Variants in EP400 observed in about 807,000 individuals in gnomAD.
The protein encoded by EP400 is E1A-binding protein p400.
A neutral mutation model predicts 354.1 loss-of-function variants in EP400; 105 were observed. The observed-to-expected ratio is 0.30, with a 90% CI of 0.25 to 0.35. The LOEUF is 0.35. Among genes scored for constraint, EP400 ranks in the 10% least tolerant of loss-of-function variants. The pLI, the probability that EP400 is intolerant of heterozygous loss-of-function variation, is 1.00. For missense variants in EP400, 3,280 were observed against 4,121.0 expected (o/e 0.80, Z 5.59); for synonymous variants, 1,646 against 1,716.9 (o/e 0.96, Z 1.02).
chr12:131,979,110 G>C (rs956585083), intron 2 of EP400, among the ~76,000 whole-genome samples: 7 of 151,884 alleles, frequency 4.6e-5, no homozygotes, highest in Non-Finnish European at 8.8e-5. Flanking sequence ...CCAGCTACTC[G>C]GGAGGCTGAG....
chr12:132,063,612 A>C (rs1895781053), intron 47 of EP400, among the ~76,000 whole-genome samples: 1 of 152,216 alleles, frequency 6.6e-6, no homozygotes, highest in Non-Finnish European at 1.5e-5. Flanking sequence ...AATATTTTGA[A>C]GTTTCAGCTC....
chr12:131,986,112 C>G (rs1566173646), intron 5 of EP400, among the ~76,000 whole-genome samples: 1 of 151,826 alleles, frequency 6.6e-6, no homozygotes, highest in Non-Finnish European at 1.5e-5. Context: ...GTAGCTGCGA[C>G]CAAAGGTGCA....
intron 39 of EP400, among the ~76,000 whole-genome samples, chr12:132,047,152 A>G (rs1220546416): frequency 2.0e-5 from 3 of 152,216 alleles, no homozygotes; most frequent in Non-Finnish European, 4.4e-5. Flanking sequence ...TCATTTTTCT[A>G]AAAACACTTG....
At chr12:132,034,963 A>ATCAC (rs1894644975) in intron 30 of EP400, among the ~76,000 whole-genome samples, 1 of 152,210 alleles carries the variant, frequency 6.6e-6, no homozygotes, top group African/African-American at 2.4e-5. Flanking sequence ...AGATACGGTG[A>ATCAC]GCCCAGTGGA....
intron 48 of EP400, chr12:132,065,144 G>A (rs533326368): frequency 6.0e-5 from 38 of 634,014 alleles, no homozygotes; most frequent in Middle Eastern, 4.4e-4. Context: ...GAGAGTGAGC[G>A]AGGTGAGATG....
chr12:132,050,304 C>G lies in EP400; in HGVS notation c.7201-19C>G. 2 of 1,613,780 alleles carry G rather than the reference C, an allele frequency of 1.2e-6. No individual in the cohort carries two copies. Among genetic ancestry groups the G allele is most frequent in the Non-Finnish European group, 8.5e-7 (1 of 1,179,862 alleles). Reference sequence around the variant, plus strand: ...CCATGCTGCCTAATTCAGATGCACTCTCGTCAATTTCATTGCAGAGTAAAA... The same window carrying G: ...CCATGCTGCCTAATTCAGATGCACTGTCGTCAATTTCATTGCAGAGTAAAA... On this transcript the variant is annotated intron_variant, in intron 39 of 52. Transcript: ENST00000389561. The surrounding 1 kb of genome is among the most constrained non-coding windows in gnomAD (Gnocchi z 4.8).
At chr12:131,963,798 T>G (rs1386320918) in intron 2 of EP400, among the ~76,000 whole-genome samples, 1 of 152,216 alleles carries the variant, frequency 6.6e-6, no homozygotes, top group Non-Finnish European at 1.5e-5. Flanking sequence ...TATACAATTA[T>G]AAAATTAAAT....
chr12:131,959,973 A>T (rs1235976539), intron 1 of EP400, among the ~76,000 whole-genome samples: 1 of 152,192 alleles, frequency 6.6e-6, no homozygotes. Context: ...CTGGAGGTTG[A>T]TAAGAACTAC....
At position 132,025,521 on chromosome 12, in the gene EP400, A is replaced by T. The variant is rs1894275225; in HGVS notation, c.4856-125A>T. 2 of 1,198,086 alleles carry T rather than the reference A, an allele frequency of 1.7e-6. No individual in the cohort carries two copies. Among genetic ancestry groups the T allele is most frequent in the South Asian group, 3.7e-5 (2 of 53,808 alleles). The allele number at this position is 1,198,086 out of a possible 1,614,324, so 74.2% of individuals were successfully genotyped here. A position where few individuals can be genotyped will look rare whatever the true frequency, so the allele number is the denominator to read the frequency against. On this transcript the variant is annotated intron_variant, in intron 24 of 52. Transcript: ENST00000389561. This position sits in a 1 kb window ranked among gnomAD's most constrained non-coding sequence, Gnocchi z 4.1. ...CTCACAGTAACTGAACTTTGCATTG[A>T]TTTTTTTGTGTAGATTTGATTTTCA...
intron 51 of EP400, among the ~76,000 whole-genome samples, chr12:132,071,584 T>C (rs1896069235): frequency 6.6e-6 from 1 of 152,166 alleles, no homozygotes. Context: ...TACTGTCAGC[T>C]CCTCCTCCGC....
intron 2 of EP400, among the ~76,000 whole-genome samples, chr12:131,972,314 G>A (rs929410630): frequency 4.0e-5 from 6 of 151,898 alleles, no homozygotes; most frequent in South Asian, 2.1e-4. Context: ...GACCACGCCC[G>A]GCGAATTTTT....
chr12:132,003,506 G>GT (rs950572405), intron 12 of EP400, among the ~76,000 whole-genome samples: 5 of 151,532 alleles, frequency 3.3e-5, no homozygotes, highest in African/African-American at 7.3e-5. Flanking sequence ...GTCTAAACAG[G>GT]TTTTTTTTTC....
Position 132,038,038 on chromosome 12 carries a change from C to A in EP400, c.6149C>A (p.Ser2050Tyr). 6.2e-7 allele frequency: 1 copy of A among 1,614,222 alleles called. No individual in the cohort carries two copies. Among genetic ancestry groups the A allele is most frequent in the Non-Finnish European group, 8.5e-7 (1 of 1,180,042 alleles). ...AAAGCTGAGGAGTTTGTGGTGCTTT[C>A]TCAGGAACCTTCTGTCACGGAAACC... is the stretch of plus-strand genomic sequence containing the variant. ...PVKAEEFVVL[S>Y]QEPSVTETIA... Residue 2050 changes from serine (S) to tyrosine (Y), a missense_variant, in exon 32 of 53, where the codon TCT (serine) becomes TAT (tyrosine). Physicochemically the swap from Ser to Tyr is moderately radical, Grantham distance 144. Coordinates refer to ENST00000389561, the MANE Select transcript of EP400 (RefSeq NM_015409.5). The surrounding 1 kb of genome is among the most constrained non-coding windows in gnomAD (Gnocchi z 4.2).
rs762497288 is a variant in EP400 at position 132,045,483 on chromosome 12, A to G, written c.6949A>G (p.Thr2317Ala). 1 of 1,614,182 alleles carries G rather than the reference A, an allele frequency of 6.2e-7. No individual in the cohort carries two copies. The highest frequency in any genetic ancestry group is 1.7e-5 in the Admixed American group (1 of 60,020). Residue 2317 changes from threonine to alanine, a missense_variant, in exon 38 of 53, where the codon ACT (threonine) becomes GCT (alanine). Coordinates refer to ENST00000389561, the MANE Select transcript of EP400 (RefSeq NM_015409.5). ...QQVPFAKPLP[T>A]FAKPTAEPGQ... ...GGTGCCATTCGCCAAGCCCCTGCCA[A>G]CTTTTGCCAAACCCACAGCTGAGCC...
rs1895927149 is a variant in EP400, at chr12:132,067,422, C to T, written c.8810C>T (p.Ala2937Val). 1.2e-6 allele frequency: 2 copies of T among 1,613,324 alleles called. No homozygotes were observed. The highest frequency in any genetic ancestry group is 1.3e-5 in the African/African-American group (1 of 74,906). Reference sequence around the variant, plus strand: ...CAGCTGCTGAAGCTGAAGCAGCAGGCCGTCCAGCAGCAGAAGGCCATCCAG... The same window carrying T: ...CAGCTGCTGAAGCTGAAGCAGCAGGTCGTCCAGCAGCAGAAGGCCATCCAG... ...MQQLLKLKQQ[A>V]VQQQKAIQPQ... Residue 2937 changes from alanine (A) to valine (V), a missense_variant, in exon 50 of 53, where the codon GCC becomes GTC. Physicochemically the swap from Ala to Val is moderately conservative, Grantham distance 64. Coordinates refer to ENST00000389561, the MANE Select transcript of EP400 (RefSeq NM_015409.5). The surrounding 1 kb of genome is among the most constrained non-coding windows in gnomAD (Gnocchi z 5.3).
At chr12:132,014,022 C>A in intron 19 of EP400, 109 bp downstream of exon 19, 3 of 1,465,272 alleles carry the variant, frequency 2.0e-6, no homozygotes, top group Non-Finnish European at 2.8e-6. Flanking sequence ...GATTGGGTGT[C>A]TGGAGCTGGA....
At chr12:132,040,711 GT>G (rs1467207229) in intron 32 of EP400, among the ~76,000 whole-genome samples, 1 of 152,198 alleles carries the variant, frequency 6.6e-6, no homozygotes, top group African/African-American at 2.4e-5. Context: ...CACATGAGAA[GT>G]TGTGAAGTGC....
At chr12:132,007,784 C>T (rs1438537637) in intron 15 of EP400, among the ~76,000 whole-genome samples, 1 of 152,084 alleles carries the variant, frequency 6.6e-6, no homozygotes, top group Non-Finnish European at 1.5e-5. Flanking sequence ...AAGCTGGACA[C>T]GTTTAAATTA....
chr12:132,005,188 C>G lies in EP400; in HGVS notation c.2935+4C>G. Reference sequence around the variant, plus strand: ...GAGGACACAAGCGGAGAGGAAGGTGCGCTCCCAGCCTTTGGAAGAATTCAG... The same window carrying G: ...GAGGACACAAGCGGAGAGGAAGGTGGGCTCCCAGCCTTTGGAAGAATTCAG... On this transcript the variant is annotated splice_donor_region_variant and intron_variant, in intron 13 of 52. Transcript: ENST00000389561. 1.3e-6 allele frequency: 2 copies of G among 1,557,042 alleles called. No individual in the cohort carries two copies. The highest frequency in any genetic ancestry group is 1.7e-6 in the Non-Finnish European group (2 of 1,148,694).
Sources: gnomAD v4.1 joint callset for allele counts (sites outside exome capture counted in the v4.1 genomes callset) on GRCh38, gnomAD v4.1.1 for gene constraint, Gnocchi (gnomAD v3.1) non-coding constraint, MANE v1.5 for transcripts, NCBI Gene and HGNC (gene_info 2026-07-23, HGNC 2026-07-21) for gene names.